Variants in DAAM1 observed in about 807,000 individuals in gnomAD.
DAAM1 encodes the protein dishevelled associated activator of morphogenesis 1, also known as disheveled-associated activator of morphogenesis 1.
A neutral mutation model predicts 130.0 loss-of-function variants in DAAM1; 52 were observed. That is an observed-to-expected ratio of 0.40 (90% CI 0.32 to 0.50). The LOEUF (loss-of-function observed/expected upper bound fraction) is 0.50. DAAM1 is among the 20% of genes least tolerant of loss of function. The pLI, the probability that DAAM1 is intolerant of heterozygous loss-of-function variation, is 0.61. For missense variants in DAAM1, 1,134 were observed against 1,303.8 expected, an observed-to-expected ratio of 0.87 and a Z score of 2.01; for synonymous variants, 452 against 444.5, an observed-to-expected ratio of 1.02 and a Z score of -0.21.
intron 17 of DAAM1, among the ~76,000 whole-genome samples, chr14:59,349,069 C>T (rs895592053): frequency 5.3e-5 from 8 of 152,222 alleles, no homozygotes; most frequent in South Asian, 4.1e-4. Flanking sequence ...TTCACGTACC[C>T]TTCCCTCCCT....
chr14:59,193,102 A>G (rs1887782546), intron 1 of DAAM1, among the ~76,000 whole-genome samples: 1 of 152,234 alleles, frequency 6.6e-6, no homozygotes, highest in Non-Finnish European at 1.5e-5. Flanking sequence ...TTTAGAGGAA[A>G]TTGATTGCAC....
chr14:59,268,128 C>T (rs1279863601), intron 2 of DAAM1, among the ~76,000 whole-genome samples: 2 of 152,034 alleles, frequency 1.3e-5, no homozygotes, highest in Admixed American at 6.6e-5. Flanking sequence ...GTCTCGAACT[C>T]CTGACCTTGT....
At chr14:59,327,071 A>G (rs1463700646) in intron 12 of DAAM1, 80 bp downstream of exon 12, 3 of 1,504,594 alleles carry the variant, frequency 2.0e-6, no homozygotes, top group African/African-American at 1.4e-5. Flanking sequence ...GGAAATTTAC[A>G]TTGATGTTTC....
chr14:59,275,773 A>C (rs995172144), intron 2 of DAAM1, among the ~76,000 whole-genome samples: 1 of 152,214 alleles, frequency 6.6e-6, no homozygotes, highest in African/African-American at 2.4e-5. Flanking sequence ...AGAAACTAGA[A>C]ATTATTTCTA....
chr14:59,364,607 A>ATC (rs1173131781), intron 23 of DAAM1, among the ~76,000 whole-genome samples: 4 of 151,300 alleles, frequency 2.6e-5, no homozygotes, highest in African/African-American at 9.8e-5. Flanking sequence ...TACTCTACCC[A>ATC]TCTCTCAGTT....
chr14:59,295,424 A>G (rs2139572684), intron 3 of DAAM1, among the ~76,000 whole-genome samples: 1 of 152,360 alleles, frequency 6.6e-6, no homozygotes, highest in Admixed American at 6.5e-5. Context: ...CTGGAAGTTC[A>G]GCTAGTACTT....
intron 3 of DAAM1, among the ~76,000 whole-genome samples, chr14:59,307,676 G>A (rs1275464535): frequency 6.6e-6 from 1 of 152,172 alleles, no homozygotes; most frequent in African/African-American, 2.4e-5. Context: ...CAGAGCCCTG[G>A]GGGGTCAGAG....
At chr14:59,292,260 G>A (rs1262894465) in intron 3 of DAAM1, among the ~76,000 whole-genome samples, 1 of 152,172 alleles carries the variant, frequency 6.6e-6, no homozygotes, top group African/African-American at 2.4e-5. Context: ...TCGACCCAGG[G>A]AAACAGGAAC....
intron 8 of DAAM1, among the ~76,000 whole-genome samples, chr14:59,325,087 A>G (rs111834902): frequency 5.3e-5 from 8 of 152,286 alleles, no homozygotes; most frequent in African/African-American, 1.9e-4. Context: ...GCTTCAAAAG[A>G]TCTTTCACAG....
At chr14:59,194,658 A>G (rs530861320) in intron 1 of DAAM1, among the ~76,000 whole-genome samples, 1 of 152,360 alleles carries the variant, frequency 6.6e-6, no homozygotes, top group South Asian at 2.1e-4. Flanking sequence ...AAAAGAAAAT[A>G]ATGAACACTT....
intron 2 of DAAM1, among the ~76,000 whole-genome samples, chr14:59,273,038 G>A (rs978330975): frequency 1.3e-5 from 2 of 152,098 alleles, no homozygotes; most frequent in Non-Finnish European, 2.9e-5. Flanking sequence ...AAAACAGTAG[G>A]GTTGGCAGTA....
chr14:59,352,581 A>G lies in DAAM1; in HGVS notation c.2216A>G (p.His739Arg), dbSNP rs754437659. ...SDIDLLEEHK[H>R]ELDRMAKADR... ...ATTGACCTATTGGAGGAACATAAAC[A>G]CGAACTGGATCGGATGGCCAAGGCT... Residue 739 changes from histidine (H) to arginine (R), a missense_variant, in exon 18 of 25, where the codon CAC becomes CGC. Coordinates refer to ENST00000360909, the MANE Select transcript of DAAM1 (RefSeq NM_001270520.2). 3 of 1,613,594 alleles carry G rather than the reference A, an allele frequency of 1.9e-6. No individual in the cohort carries two copies. Among genetic ancestry groups the G allele is most frequent in the Non-Finnish European group, 1.7e-6 (2 of 1,179,856 alleles).
At position 59,268,196 on chromosome 14, in the gene DAAM1, C is replaced by T. The variant is rs553847524; in HGVS notation, c.183+4536C>T. Among the ~76,000 whole-genome samples the T allele has an allele frequency of 1.4e-4, 21 of 152,240 alleles. 1 individual carries two copies. The South Asian group carries it at 2.3e-3, about 17-fold the overall frequency. The stretch of plus-strand genomic sequence containing the variant: ...GATGACAGGCATGAGTCACCGCGCC[C>T]GGCGCCTGCCACATTTTTTATCCAT... On this transcript the variant is annotated intron_variant, in intron 2 of 24. Transcript: ENST00000360909.
chr14:59,295,562 G>A (rs1035242302), intron 3 of DAAM1, among the ~76,000 whole-genome samples: 2 of 152,206 alleles, frequency 1.3e-5, no homozygotes, highest in African/African-American at 4.8e-5. Context: ...CCATTGGGAT[G>A]CAGTTCTTTC....
intron 16 of DAAM1, among the ~76,000 whole-genome samples, chr14:59,342,333 G>A (rs1406553903): frequency 6.6e-6 from 1 of 152,196 alleles, no homozygotes; most frequent in Non-Finnish European, 1.5e-5. Flanking sequence ...TCAGTGCCCC[G>A]TCCTTTTGTG....
At chr14:59,355,883 C>G (rs903841999) in intron 20 of DAAM1, among the ~76,000 whole-genome samples, 3 of 152,126 alleles carry the variant, frequency 2.0e-5, no homozygotes, top group African/African-American at 7.2e-5. Flanking sequence ...TTTATTTATA[C>G]AGTGGAGGTA....
At chr14:59,303,347 A>G (rs1393651958) in intron 3 of DAAM1, among the ~76,000 whole-genome samples, 1 of 152,188 alleles carries the variant, frequency 6.6e-6, no homozygotes, top group East Asian at 1.9e-4. Context: ...GAGAATTCAT[A>G]AGTAGCTATT....
chr14:59,359,518 G>A lies in DAAM1; in HGVS notation c.2633+14G>A, dbSNP rs772989832. ...TGCGAAAGTAAAGTAAGTACTTACAGTGAGTGTTAGTTTCTTAAATCACTT... is the reference window on the plus strand; with the variant it reads ...TGCGAAAGTAAAGTAAGTACTTACAATGAGTGTTAGTTTCTTAAATCACTT... On this transcript the variant is annotated intron_variant, in intron 21 of 24. Transcript: ENST00000360909. 1.3e-6 allele frequency: 2 copies of A among 1,585,578 alleles called. No homozygotes were observed. Among genetic ancestry groups the A allele is most frequent in the African/African-American group, 2.7e-5 (2 of 74,280 alleles).
At chr14:59,309,461 G>T in intron 3 of DAAM1, among the ~76,000 whole-genome samples, 1 of 152,230 alleles carries the variant, frequency 6.6e-6, no homozygotes, top group South Asian at 2.1e-4. Context: ...GGATTTTGAT[G>T]TAATCCAGCC....
Sources: allele counts gnomAD v4.1 joint callset (sites outside exome capture counted in the v4.1 genomes callset), GRCh38; gene constraint gnomAD v4.1.1; transcripts MANE v1.5; gene names NCBI Gene and HGNC (gene_info 2026-07-23, HGNC 2026-07-21).